ADAMTS19: variants seen among roughly 807,000 people sequenced by gnomAD.
ADAMTS19 encodes the protein ADAM metallopeptidase with thrombospondin type 1 motif 19, also known as A disintegrin and metalloproteinase with thrombospondin motifs 19.
ADAMTS19 carries 93 observed loss-of-function variants against 153.3 expected under a neutral mutation model. The ratio of observed to expected loss-of-function variants is 0.61; its 90% CI spans 0.51 to 0.72. The LOEUF (loss-of-function observed/expected upper bound fraction) is 0.72, where lower values mean the gene tolerates loss of function less well. Among genes scored for constraint, ADAMTS19 ranks in the 30% least tolerant of loss-of-function variants. The pLI, the probability that ADAMTS19 is intolerant of heterozygous loss-of-function variation, is 0.00. For synonymous variants in ADAMTS19, 600 were observed against 556.6 expected, an observed-to-expected ratio of 1.08 and a Z score of -1.10; for missense variants, 1,482 against 1,552.1, an observed-to-expected ratio of 0.95 and a Z score of 0.76.
chr5:129,518,587 T>C (rs1751689847), intron 3 of ADAMTS19, among the ~76,000 whole-genome samples: 1 of 152,132 alleles, frequency 6.6e-6, no homozygotes, highest in Non-Finnish European at 1.5e-5. Flanking sequence ...TGTTTTTTGT[T>C]TCTTTTCTCT....
chr5:129,725,965 C>A (rs1015442751), intron 21 of ADAMTS19, among the ~76,000 whole-genome samples: 7 of 152,064 alleles, frequency 4.6e-5, no homozygotes, highest in Non-Finnish European at 1.0e-4. Context: ...GGCAATGGAA[C>A]AAATTTTGCT....
chr5:129,480,807 C>T (rs570334414), intron 2 of ADAMTS19, among the ~76,000 whole-genome samples: 19 of 151,966 alleles, frequency 1.3e-4, no homozygotes, highest in East Asian at 5.8e-4. Context: ...TCATATATTC[C>T]GCAAAATGGA....
At chr5:129,592,645 C>T in intron 7 of ADAMTS19, among the ~76,000 whole-genome samples, 1 of 152,204 alleles carries the variant, frequency 6.6e-6, no homozygotes, top group Admixed American at 6.5e-5. Flanking sequence ...TTAAATTTAT[C>T]AGAGTCTCAG....
chr5:129,473,112 A>T (rs1320413005), intron 2 of ADAMTS19, among the ~76,000 whole-genome samples: 1 of 151,966 alleles, frequency 6.6e-6, no homozygotes, highest in Non-Finnish European at 1.5e-5. Flanking sequence ...AAATAAAAAT[A>T]AAAAAGCAGG....
intron 7 of ADAMTS19, among the ~76,000 whole-genome samples, chr5:129,578,613 G>A (rs1364959354): frequency 6.6e-6 from 1 of 151,630 alleles, no homozygotes; most frequent in Non-Finnish European, 1.5e-5. Context: ...CCCCTTGAAG[G>A]CCCTGGTATG....
chr5:129,582,141 T>C (rs865935241), intron 7 of ADAMTS19, among the ~76,000 whole-genome samples: 2 of 150,458 alleles, frequency 1.3e-5, no homozygotes, highest in African/African-American at 4.9e-5. Flanking sequence ...TGAGTTCATG[T>C]CCTGAATATC....
In ADAMTS19 at chr5:129,585,113, A is replaced by G. The variant is rs373443186; in HGVS notation, c.1373-11446A>G. 2.8e-4 allele frequency among the ~76,000 whole-genome samples: 43 copies of G among 151,900 alleles called. No individual in the cohort carries two copies. The East Asian group carries it at 6.6e-3, about 23-fold the overall frequency. On this transcript the variant is annotated intron_variant, in intron 7 of 22. Transcript: ENST00000274487. ...TTGGGGCCGGAATGCACCCTTCCTC[A>G]AGGCACAGTCCCTCATGGCTCCCCT...
intron 21 of ADAMTS19, among the ~76,000 whole-genome samples, chr5:129,733,508 A>G (rs1757534936): frequency 2.6e-5 from 4 of 152,088 alleles, no homozygotes; most frequent in Admixed American, 2.6e-4. Flanking sequence ...ACATGAACAC[A>G]CATTCCTCAG....
chr5:129,463,853 G>A (rs1393426049), intron 2 of ADAMTS19, among the ~76,000 whole-genome samples: 1 of 152,150 alleles, frequency 6.6e-6, no homozygotes, highest in African/African-American at 2.4e-5. Context: ...CTTGTTTAGG[G>A]GATAGAATGT....
rs187082992 is a variant in ADAMTS19 at position 129,504,382 on chromosome 5, A to G, written c.748-4695A>G. 2.9e-3 allele frequency among the ~76,000 whole-genome samples: 439 copies of G among 152,302 alleles called. 3 individuals are homozygous for G. Among genetic ancestry groups the G allele is most frequent in the African/African-American group, 9.9e-3 (410 of 41,580 alleles). ...TTTTAAATTACTTTAAATGACAAAAATTACAAATACATACATCACAAATGC... is the reference window on the plus strand; with the variant it reads ...TTTTAAATTACTTTAAATGACAAAAGTTACAAATACATACATCACAAATGC... On this transcript the variant is annotated intron_variant, in intron 2 of 22. Transcript: ENST00000274487.
chr5:129,652,761 T>C (rs932305315), intron 13 of ADAMTS19, among the ~76,000 whole-genome samples: 1 of 152,222 alleles, frequency 6.6e-6, no homozygotes, highest in Non-Finnish European at 1.5e-5. Context: ...CTCCTTTCAA[T>C]ATTATTTATT....
chr5:129,622,696 C>A (rs1751835721), intron 10 of ADAMTS19, among the ~76,000 whole-genome samples: 1 of 152,094 alleles, frequency 6.6e-6, no homozygotes, highest in Non-Finnish European at 1.5e-5. Flanking sequence ...TACCCACATC[C>A]TGTTCCCTGA....
Position 129,461,679 on chromosome 5 carries a change from C to T in ADAMTS19, c.669C>T (p.Asp223=), listed in dbSNP as rs1214953933. 2 of 1,579,878 alleles carry T rather than the reference C, an allele frequency of 1.3e-6. No homozygotes were observed. Among genetic ancestry groups the T allele is most frequent in the Non-Finnish European group, 1.7e-6 (2 of 1,168,872 alleles). The change falls in exon 2 of 23, where the codon GAC becomes GAT. Residue 223 remains aspartate, a synonymous_variant. Coordinates refer to ENST00000274487, the MANE Select transcript of ADAMTS19 (RefSeq NM_133638.6). This position sits in a 1 kb window ranked among gnomAD's most constrained non-coding sequence, Gnocchi z 4.6. ...ASAPQPPAPP[D]AGCFYTGAVL... ...CCCCGCAACCTCCCGCGCCACCAGA[C>T]GCAGGCTGCTTCTACACCGGAGCTG...
chr5:129,577,324 T>G (rs1470071937), intron 7 of ADAMTS19, among the ~76,000 whole-genome samples: 1 of 152,192 alleles, frequency 6.6e-6, no homozygotes, highest in Non-Finnish European at 1.5e-5. Context: ...ACATTGGGAA[T>G]TAACATATTG....
chr5:129,632,208 G>A (rs1171393369), intron 10 of ADAMTS19, among the ~76,000 whole-genome samples: 1 of 152,000 alleles, frequency 6.6e-6, no homozygotes, highest in Non-Finnish European at 1.5e-5. Context: ...CTCATCTCTA[G>A]GGATTAAAAT....
chr5:129,661,102 GA>G (rs1389866949), intron 15 of ADAMTS19, among the ~76,000 whole-genome samples: 1 of 152,128 alleles, frequency 6.6e-6, no homozygotes, highest in Non-Finnish European at 1.5e-5. Flanking sequence ...AGTGATCCCT[GA>G]AGTGATACCT....
chr5:129,472,723 G>A (rs774418393), intron 2 of ADAMTS19, among the ~76,000 whole-genome samples: 8 of 151,516 alleles, frequency 5.3e-5, no homozygotes, highest in Non-Finnish European at 5.9e-5. Flanking sequence ...ATTGTAGCAG[G>A]AGAATTACTC....
At chr5:129,646,179 C>T (rs1003075565) in intron 11 of ADAMTS19, among the ~76,000 whole-genome samples, 5 of 152,152 alleles carry the variant, frequency 3.3e-5, no homozygotes, top group Admixed American at 2.0e-4. Flanking sequence ...TGAGCCACCG[C>T]GCCCGGCCTC....
chr5:129,665,541 T>C lies in ADAMTS19; in HGVS notation c.2468T>C (p.Ile823Thr). 1 of 1,610,734 alleles carries C rather than the reference T, an allele frequency of 6.2e-7. No homozygotes were observed. Among genetic ancestry groups the C allele is most frequent in the Non-Finnish European group, 8.5e-7 (1 of 1,177,860 alleles). The part of the protein sequence containing the change: ...VLVIPAGARR[I>T]KVVEEKPAHS... ...GTGATACCTGCTGGAGCAAGAAGAATCAAAGTTGTGGAGGAAAAGCCGGCA... is the reference window on the plus strand; with the variant it reads ...GTGATACCTGCTGGAGCAAGAAGAACCAAAGTTGTGGAGGAAAAGCCGGCA... The change falls in exon 16 of 23, where the codon ATC (isoleucine) becomes ACC (threonine). Residue 823 changes from isoleucine to threonine, a missense_variant. Ile to Thr is a moderately conservative substitution (Grantham distance 89). Coordinates refer to ENST00000274487, the MANE Select transcript of ADAMTS19 (RefSeq NM_133638.6).
Sources: gnomAD v4.1 joint callset for allele counts (sites outside exome capture counted in the v4.1 genomes callset) on GRCh38, gnomAD v4.1.1 for gene constraint, Gnocchi (gnomAD v3.1) non-coding constraint, MANE v1.5 for transcripts, NCBI Gene and HGNC (gene_info 2026-07-23, HGNC 2026-07-21) for gene names.